ANKFN1: variants seen among roughly 807,000 people sequenced by gnomAD.
ANKFN1 encodes the protein ankyrin repeat and fibronectin type III domain containing 1, also known as ankyrin repeat and fibronectin type-III domain-containing protein 1.
In ANKFN1, 74 loss-of-function variants were observed where a neutral mutation model predicts 108.7. That is an observed-to-expected ratio of 0.68 (90% CI 0.56 to 0.83). ANKFN1 has a LOEUF of 0.83. Among genes scored for constraint, ANKFN1 ranks in the 40% least tolerant of loss-of-function variants. The pLI, the probability that ANKFN1 is intolerant of heterozygous loss-of-function variation, is 0.00. For missense variants in ANKFN1, 1,505 were observed against 1,382.3 expected (o/e 1.09, Z -1.41); for synonymous variants, 547 against 516.2 (o/e 1.06, Z -0.81).
chr17:56,331,452 T>C (rs897140552), intron 4 of ANKFN1, among the ~76,000 whole-genome samples: 1 of 152,140 alleles, frequency 6.6e-6, no homozygotes, highest in Admixed American at 6.6e-5. Context: ...AGTACAAATA[T>C]GCTGAGAAAG....
At chr17:56,266,125 CTG>C (rs2043644167) in intron 3 of ANKFN1, among the ~76,000 whole-genome samples, 1 of 152,162 alleles carries the variant, frequency 6.6e-6, no homozygotes, top group African/African-American at 2.4e-5. Flanking sequence ...ATAAATAACA[CTG>C]TTTATCTGGG....
intron 8 of ANKFN1, among the ~76,000 whole-genome samples, chr17:56,405,804 A>G (rs1319613618): frequency 6.6e-6 from 1 of 152,168 alleles, no homozygotes; most frequent in Non-Finnish European, 1.5e-5. Context: ...GTAATATACT[A>G]CCTTTTGTGT....
chr17:56,266,367 C>T (rs913609724), intron 3 of ANKFN1, among the ~76,000 whole-genome samples: 4 of 152,116 alleles, frequency 2.6e-5, no homozygotes, highest in Admixed American at 1.3e-4. Context: ...CCATCCTGCC[C>T]GTCCATCTCC....
rs542724500 is a variant in ANKFN1, at chr17:56,472,715, A to C, written c.1774-4773A>C. On this transcript the variant is annotated intron_variant, in intron 15 of 20. Coordinates refer to ENST00000682825, the MANE Select transcript of ANKFN1 (RefSeq NM_001370326.1). ...TCAAGGTAATACAAGACAGAATTAA[A>C]CCAGAGCCTGATAGCAGTACAAACA... 3 of 152,374 alleles carry C rather than the reference A, an allele frequency of 2.0e-5. No homozygotes were observed. The South Asian group carries it at 6.2e-4, about 32-fold the overall frequency. 9.4% of individuals were successfully genotyped at this position (152,374 alleles called of 1,614,324 possible). A position where few individuals can be genotyped will look rare whatever the true frequency, so the allele number is the denominator to read the frequency against.
intron 19 of ANKFN1, among the ~76,000 whole-genome samples, chr17:56,492,663 C>T (rs2051078166): frequency 6.6e-6 from 1 of 152,050 alleles, no homozygotes; most frequent in Non-Finnish European, 1.5e-5. Flanking sequence ...TTATTCTTAC[C>T]TTGTAGCCCA....
At chr17:56,080,390 G>A (rs933703524) in intron 4 of ANKFN1, among the ~76,000 whole-genome samples, 1 of 152,168 alleles carries the variant, frequency 6.6e-6, no homozygotes, top group African/African-American at 2.4e-5. Flanking sequence ...CCAACAGTAA[G>A]GGAATTATTA....
rs1018923414 is a variant in ANKFN1 at position 56,325,326 on chromosome 17, G to A, written c.54-895G>A. ...CAGTATTCATATGTGCTATCAATCG[G>A]CAAGTCCCACCCCTCAACATAATAA... On this transcript the variant is annotated intron_variant, in intron 3 of 20. Coordinates refer to ENST00000682825, the MANE Select transcript of ANKFN1 (RefSeq NM_001370326.1). Among the ~76,000 whole-genome samples the A allele has an allele frequency of 6.2e-5, 7 of 112,500 alleles. No homozygotes were observed. The East Asian group carries it at 2.3e-3, about 37-fold the overall frequency. The allele number at this position is 112,500 out of a possible 152,430, so 73.8% of individuals were successfully genotyped here. A position where few individuals can be genotyped will look rare whatever the true frequency, so the allele number is the denominator to read the frequency against.
chr17:56,270,116 C>T (rs1214496072), intron 3 of ANKFN1, among the ~76,000 whole-genome samples: 5 of 151,854 alleles, frequency 3.3e-5, no homozygotes, highest in South Asian at 2.1e-4. Flanking sequence ...CTGGCATGTT[C>T]GTGCTTGAGT....
chr17:56,159,033 CAAA>C (rs57878541), intron 1 of ANKFN1, among the ~76,000 whole-genome samples: 1 of 71,016 alleles, frequency 1.4e-5, no homozygotes, highest in Non-Finnish European at 2.5e-5. Context: ...TGGTCTAGGC[CAAA>C]AAAAAAAAAA....
rs373198113 is a variant in ANKFN1, at chr17:56,068,602, A to G, written c.288+22277A>G. Among the ~76,000 whole-genome samples the G allele has an allele frequency of 1.3e-3, 204 of 152,340 alleles. 2 individuals carry two copies. The South Asian group carries it at 0.042, about 31-fold the overall frequency. On this transcript the variant is annotated intron_variant, in intron 4 of 12. Coordinates refer to the ANKFN1 transcript ENST00000635860. ...GAAGGTAGTGAAAGATTTAGAGGGC[A>G]AGCAGAAACTGTCCAGCACAATTCC...
chr17:56,290,901 C>A (rs1461529490), intron 3 of ANKFN1, among the ~76,000 whole-genome samples: 1 of 152,096 alleles, frequency 6.6e-6, no homozygotes, highest in African/African-American at 2.4e-5. Flanking sequence ...TGAAGACAAG[C>A]TTTCATGAGC....
intron 4 of ANKFN1, among the ~76,000 whole-genome samples, chr17:56,119,843 T>C (rs1010116990): frequency 4.6e-5 from 7 of 152,122 alleles, no homozygotes; most frequent in African/African-American, 1.7e-4. Context: ...TCATCCTACT[T>C]TTCAGGATTA....
In ANKFN1 at chr17:56,086,609, C is replaced by T. The variant is rs559347819; in HGVS notation, c.288+40284C>T. Among the ~76,000 whole-genome samples the T allele has an allele frequency of 3.3e-5, 5 of 151,364 alleles. No individual in the cohort carries two copies. In the East Asian group the frequency reaches 9.7e-4, roughly 29 times the overall value. On this transcript the variant is annotated intron_variant, in intron 4 of 12. Transcript: ENST00000635860. ...CTTCACCTGGATTCTTCTCCTAGGG[C>T]TTCTTACCTGAACCATATGTTGGAG...
intron 3 of ANKFN1, among the ~76,000 whole-genome samples, chr17:56,278,645 T>C (rs1477291631): frequency 6.6e-6 from 1 of 152,226 alleles, no homozygotes; most frequent in East Asian, 1.9e-4. Flanking sequence ...TCACCAGTAT[T>C]TTTTTAAGTT....
At chr17:56,503,374 C>T (rs1054107879) in intron 20 of ANKFN1, among the ~76,000 whole-genome samples, 2 of 151,068 alleles carry the variant, frequency 1.3e-5, no homozygotes, top group Admixed American at 1.3e-4. Context: ...GGTGAACAAA[C>T]CCCGGAGGTT....
At chr17:56,371,428 C>T (rs2046808110) in intron 6 of ANKFN1, among the ~76,000 whole-genome samples, 1 of 151,980 alleles carries the variant, frequency 6.6e-6, no homozygotes, top group Non-Finnish European at 1.5e-5. Flanking sequence ...AATATATAAC[C>T]ACCTAATTTC....
intron 4 of ANKFN1, among the ~76,000 whole-genome samples, chr17:56,052,643 C>T (rs1456645319): frequency 6.6e-6 from 1 of 152,140 alleles, no homozygotes; most frequent in Non-Finnish European, 1.5e-5. Context: ...TCCCATCTCT[C>T]ACCTAATAAT....
chr17:56,470,588 A>T (rs893313420), intron 15 of ANKFN1, among the ~76,000 whole-genome samples: 3 of 152,152 alleles, frequency 2.0e-5, no homozygotes, highest in Admixed American at 2.0e-4. Context: ...GCATTTTTTC[A>T]TGTTTTCTAC....
At chr17:56,396,914 T>G (rs2047605155) in intron 8 of ANKFN1, among the ~76,000 whole-genome samples, 1 of 152,142 alleles carries the variant, frequency 6.6e-6, no homozygotes, top group Non-Finnish European at 1.5e-5. Context: ...TCTAATAGTT[T>G]CTTCCCCCAT....
Sources: allele counts gnomAD v4.1 joint callset (sites outside exome capture counted in the v4.1 genomes callset), GRCh38; gene constraint gnomAD v4.1.1; transcripts MANE v1.5; gene names NCBI Gene and HGNC (gene_info 2026-07-23, HGNC 2026-07-21).